ZBP1: variants seen among roughly 807,000 people sequenced by gnomAD.
The protein encoded by ZBP1 is Z-DNA-binding protein 1.
Under a neutral mutation model 41.1 loss-of-function variants are expected in ZBP1, and 42 were observed. The observed-to-expected ratio is 1.02, with a 90% CI of 0.80 to 1.32. The LOEUF (loss-of-function observed/expected upper bound fraction) is 1.32, where lower values mean the gene tolerates loss of function less well. Ranked by LOEUF, ZBP1 falls within the 40% of genes most tolerant of loss-of-function variation. The pLI, the probability that ZBP1 is intolerant of heterozygous loss-of-function variation, is 0.00. For synonymous variants in ZBP1, 214 were observed against 205.2 expected, an observed-to-expected ratio of 1.04 and a Z score of -0.37; for missense variants, 562 against 549.7, an observed-to-expected ratio of 1.02 and a Z score of -0.22.
rs1231114189 is a variant in ZBP1, at chr20:57,610,116, A to G, written c.1093+33T>C. 8.8e-6 allele frequency: 14 copies of G among 1,582,498 alleles called. No homozygotes were observed. The Admixed American group carries it at 1.2e-4, about 13-fold the overall frequency. ...AGTGGAAGGTGGGGAGAGAGAGAGA[A>G]CACACAGGGGTCCACTCTGCCCCCT... On this transcript the variant is annotated intron_variant, in intron 7 of 7. Coordinates refer to ENST00000371173, the MANE Select transcript of ZBP1 (RefSeq NM_030776.3). The surrounding 1 kb of genome is among the most constrained non-coding windows in gnomAD (Gnocchi z 5.5).
In ZBP1 at chr20:57,613,443, G is replaced by T; in HGVS notation, c.503-113C>A. ...GGGAGCTTGTTAAAATACCCTGGGCGTTCCGAGTCAGTAGGGCCAAGTGGG... is the reference window on the plus strand; with the variant it reads ...GGGAGCTTGTTAAAATACCCTGGGCTTTCCGAGTCAGTAGGGCCAAGTGGG... On this transcript the variant is annotated intron_variant, in intron 4 of 7. Coordinates refer to ENST00000371173, the MANE Select transcript of ZBP1 (RefSeq NM_030776.3). The surrounding 1 kb of genome is among the most constrained non-coding windows in gnomAD (Gnocchi z 4.5). 1.6e-6 allele frequency: 2 copies of T among 1,213,426 alleles called. No individual in the cohort carries two copies. The highest frequency in any genetic ancestry group is 1.5e-5 in the African/African-American group (1 of 66,858). The allele number at this position is 1,213,426 out of a possible 1,614,324, so 75.2% of individuals were successfully genotyped here. A position where few individuals can be genotyped will look rare whatever the true frequency, so the allele number is the denominator to read the frequency against.
rs535144965 is a variant in ZBP1, at chr20:57,612,890, C to G, written c.670+273G>C. On this transcript the variant is annotated intron_variant, in intron 5 of 7. Transcript: ENST00000371173. The stretch of plus-strand genomic sequence containing the variant: ...CAGGCGCAACACAGAGATACCCCAT[C>G]TTAATTTTAAAATTTTATTAGAAAA... 3.9e-4 allele frequency: 520 copies of G among 1,330,528 alleles called. 10 individuals carry two copies. The South Asian group carries it at 9.2e-3, about 24-fold the overall frequency. The allele number at this position is 1,330,528 out of a possible 1,614,324, so 82.4% of individuals were successfully genotyped here. A position where few individuals can be genotyped will look rare whatever the true frequency, so the allele number is the denominator to read the frequency against.
chr20:57,610,153 G>A lies in ZBP1; in HGVS notation c.1089C>T (p.Asp363=), dbSNP rs41275646. ...AGSGEGEPGE[D]AGRRPADTQS... ...CCACTCTGCCCCCTAGCTCACCTGC[G>A]TCCTCCCCTGGCTCCCCCTCTCCAG... is the stretch of plus-strand genomic sequence containing the variant. The change falls in exon 7 of 8, where the codon GAC becomes GAT. Residue 363 remains aspartate (D), a synonymous_variant. Transcript: ENST00000371173. This position sits in a 1 kb window ranked among gnomAD's most constrained non-coding sequence, Gnocchi z 5.5. The A allele has an allele frequency of 0.027, 42,901 of 1,613,446 alleles. 703 individuals carry two copies. The highest frequency in any genetic ancestry group is 0.056 in the African/African-American group (4,201 of 74,966).
chr20:57,609,211 G>A (rs1481857759), intron 7 of ZBP1, among the ~76,000 whole-genome samples: 7 of 152,154 alleles, frequency 4.6e-5, no homozygotes, highest in Non-Finnish European at 4.4e-5. Context: ...CCCACCTTGC[G>A]TGGACCTGCC....
At chr20:57,609,055 C>A (rs565440150) in intron 7 of ZBP1, among the ~76,000 whole-genome samples, 1 of 152,218 alleles carries the variant, frequency 6.6e-6, no homozygotes, top group African/African-American at 2.4e-5. Context: ...GCCTTAGCAT[C>A]GACTGCAGCC....
In ZBP1 at chr20:57,608,362, T is replaced by C. The variant is rs188524042; in HGVS notation, c.1093+1787A>G. ...TGGTCTCGATCTCCTGACCTCGTGA[T>C]CCACCTGCCTCGGCCTCCCAAAGTG... is the stretch of plus-strand genomic sequence containing the variant. On this transcript the variant is annotated intron_variant, in intron 7 of 7. Transcript: ENST00000371173. Among the ~76,000 whole-genome samples the C allele has an allele frequency of 1.0e-3, 153 of 152,336 alleles. 1 individual carries two copies. Among genetic ancestry groups the C allele is most frequent in the African/African-American group, 3.5e-3 (144 of 41,576 alleles).
chr20:57,616,619 T>C, intron 1 of ZBP1, 151 bp from the exon 2 acceptor site: 1 of 712,574 alleles, frequency 1.4e-6, no homozygotes, highest in Non-Finnish European at 2.3e-6. Context: ...AGATGCCCCC[T>C]AAGAGCAGTA....
intron 5 of ZBP1, among the ~76,000 whole-genome samples, chr20:57,612,347 A>G (rs1435790742): frequency 6.6e-6 from 1 of 152,190 alleles, no homozygotes; most frequent in Non-Finnish European, 1.5e-5. Flanking sequence ...AATACTATAA[A>G]ATTGTTTTAA....
At position 57,615,438 on chromosome 20, in the gene ZBP1, C is replaced by G. The variant is rs76590876; in HGVS notation, c.328+74G>C. 4.6e-3 allele frequency: 6,970 copies of G among 1,526,210 alleles called. 21 individuals are homozygous for G. The highest frequency in any genetic ancestry group is 5.7e-3 in the Non-Finnish European group (6,297 of 1,102,652). The allele number at this position is 1,526,210 out of a possible 1,614,324, so 94.5% of individuals were successfully genotyped here. A position where few individuals can be genotyped will look rare whatever the true frequency, so the allele number is the denominator to read the frequency against. On this transcript the variant is annotated intron_variant, in intron 3 of 7. Transcript: ENST00000371173. ...CTGAACACTGGTGAGATCTTGTACC[C>G]TCAAGGAGGGCCTGGGGTTCCTGGG... is the stretch of plus-strand genomic sequence containing the variant.
At chr20:57,606,178 A>C (rs1290314728) in intron 7 of ZBP1, among the ~76,000 whole-genome samples, 1 of 152,262 alleles carries the variant, frequency 6.6e-6, no homozygotes, top group Non-Finnish European at 1.5e-5. Flanking sequence ...AGTGATGAGA[A>C]AGTGAACCAG....
intron 6 of ZBP1, 100 bp downstream of exon 6, chr20:57,611,627 C>T (rs2070674246): frequency 8.5e-6 from 11 of 1,299,144 alleles, no homozygotes; most frequent in Admixed American, 2.3e-5. Flanking sequence ...AAAGGAATTT[C>T]CCATCATGCT....
intron 1 of ZBP1, among the ~76,000 whole-genome samples, chr20:57,619,673 C>T (rs2070946799): frequency 6.6e-6 from 1 of 152,084 alleles, no homozygotes. Context: ...AGCTGTGTTA[C>T]CCTGAGAGTG....
At chr20:57,607,649 T>A (rs1010276980) in intron 7 of ZBP1, among the ~76,000 whole-genome samples, 1 of 152,224 alleles carries the variant, frequency 6.6e-6, no homozygotes, top group Admixed American at 6.5e-5. Context: ...AGTTCATTGC[T>A]GCAGCGAACT....
At chr20:57,607,335 A>G in intron 7 of ZBP1, 1 of 1,271,558 alleles carries the variant, frequency 7.9e-7, no homozygotes. Flanking sequence ...GAAAACACAA[A>G]TTAGAAGTGG....
At chr20:57,614,764 G>T (rs545212104) in intron 4 of ZBP1, 123 bp downstream of exon 4, 2 of 1,310,336 alleles carry the variant, frequency 1.5e-6, no homozygotes, top group Non-Finnish European at 2.1e-6. Context: ...GTGAATTGTC[G>T]GTAGGACCTC....
rs116647218 is a variant in ZBP1, at chr20:57,612,143, G to T, written c.671-213C>A. On this transcript the variant is annotated intron_variant, in intron 5 of 7. Coordinates refer to ENST00000371173, the MANE Select transcript of ZBP1 (RefSeq NM_030776.3). ...TTCTCAGGAGCGGGGCTGGTCCTGGGTGTTGCAGGGACACTCACAAACCCA... is the reference window on the plus strand; with the variant it reads ...TTCTCAGGAGCGGGGCTGGTCCTGGTTGTTGCAGGGACACTCACAAACCCA... Among the ~76,000 whole-genome samples the T allele has an allele frequency of 3.8e-3, 573 of 152,206 alleles. 2 individuals are homozygous for T. The highest frequency in any genetic ancestry group is 0.013 in the African/African-American group (552 of 41,520).
At chr20:57,619,882 T>C (rs545144710) in intron 1 of ZBP1, among the ~76,000 whole-genome samples, 1 of 151,562 alleles carries the variant, frequency 6.6e-6, no homozygotes, top group African/African-American at 2.4e-5. Context: ...TGTCACCCAG[T>C]CTGGAGTGCA....
At position 57,613,667 on chromosome 20, in the gene ZBP1, G is replaced by A. The variant is rs1225641014; in HGVS notation, c.503-337C>T. 6.6e-6 allele frequency among the ~76,000 whole-genome samples: 1 copy of A among 152,186 alleles called. No homozygotes were observed. The highest frequency in any genetic ancestry group is 1.5e-5 in the Non-Finnish European group (1 of 68,034). On this transcript the variant is annotated intron_variant, in intron 4 of 7. Transcript: ENST00000371173. The surrounding 1 kb of genome is among the most constrained non-coding windows in gnomAD (Gnocchi z 4.5). Reference sequence around the variant, plus strand: ...CCACAGCCCGGACCCCCGAGCACCTGCACCATTGCCCTTTTCCCTTGAGTA... The same window carrying A: ...CCACAGCCCGGACCCCCGAGCACCTACACCATTGCCCTTTTCCCTTGAGTA...
Position 57,610,735 on chromosome 20 carries a change from A to G in ZBP1, c.875-368T>C. Reference sequence around the variant, plus strand: ...TGGTTGAAATCTTATGGGGGCTCCCAGCCTGGCCCCAGCTCCTGCCATCTG... The same window carrying G: ...TGGTTGAAATCTTATGGGGGCTCCCGGCCTGGCCCCAGCTCCTGCCATCTG... On this transcript the variant is annotated intron_variant, in intron 6 of 7. Coordinates refer to ENST00000371173, the MANE Select transcript of ZBP1 (RefSeq NM_030776.3). The surrounding 1 kb of genome is among the most constrained non-coding windows in gnomAD (Gnocchi z 5.5). The G allele has an allele frequency of 3.1e-6, 1 of 321,178 alleles. No individual in the cohort carries two copies. Among genetic ancestry groups the G allele is most frequent in the East Asian group, 7.6e-5 (1 of 13,206 alleles). The allele number at this position is 321,178 out of a possible 1,614,324, so 19.9% of individuals were successfully genotyped here. A position where few individuals can be genotyped will look rare whatever the true frequency, so the allele number is the denominator to read the frequency against.
Sources: gnomAD v4.1 joint callset for allele counts (sites outside exome capture counted in the v4.1 genomes callset) on GRCh38, gnomAD v4.1.1 for gene constraint, Gnocchi (gnomAD v3.1) non-coding constraint, MANE v1.5 for transcripts, NCBI Gene and HGNC (gene_info 2026-07-23, HGNC 2026-07-21) for gene names.